The following IMPA2 variants were observed in gnomAD, a reference collection of about 807,000 sequenced individuals.
The protein encoded by IMPA2 is inositol monophosphatase 2, also known as IMP 2.
IMPA2 carries 32 observed loss-of-function variants against 35.1 expected under a neutral mutation model. The observed-to-expected ratio is 0.91, with a 90% CI of 0.69 to 1.23. The LOEUF is 1.23. Among genes scored for constraint, IMPA2 ranks in the 50% most tolerant of loss-of-function variants. The pLI, the probability that IMPA2 is intolerant of heterozygous loss-of-function variation, is 0.00. For synonymous variants in IMPA2, 135 were observed against 160.6 expected (o/e 0.84, Z 1.20); for missense variants, 334 against 387.6 (o/e 0.86, Z 1.16).
rs1047450355 is a variant in IMPA2, at chr18:11,995,411, G to A, written c.97-3643G>A. 7.9e-5 allele frequency among the ~76,000 whole-genome samples: 12 copies of A among 152,366 alleles called. No homozygotes were observed. In the East Asian group the frequency reaches 9.6e-4, roughly 12 times the overall value. On this transcript the variant is annotated intron_variant, in intron 1 of 7. Transcript: ENST00000269159. ...CTTGGTGCTGAGGCCACACGTATCCGCGTGGTGTGCAGATTGCAAGGCAGC... is the reference window on the plus strand; with the variant it reads ...CTTGGTGCTGAGGCCACACGTATCCACGTGGTGTGCAGATTGCAAGGCAGC...
rs372566076 is a variant in IMPA2, at chr18:12,012,219, C to T, written c.381+4C>T. ...TGGATTTGCTGTTCGACAAGAGGTGCGGGTGTGGCCCAGGTCCCCAGGGCC... is the reference window on the plus strand; with the variant it reads ...TGGATTTGCTGTTCGACAAGAGGTGTGGGTGTGGCCCAGGTCCCCAGGGCC... On this transcript the variant is annotated splice_donor_region_variant and intron_variant, in intron 4 of 7. Transcript: ENST00000269159. 1.3e-5 allele frequency: 21 copies of T among 1,613,600 alleles called. No individual in the cohort carries two copies. The Admixed American group carries it at 1.3e-4, about 10-fold the overall frequency.
rs1168470278 is a variant in IMPA2 at position 12,010,388 on chromosome 18, G to A, written c.335+401G>A. On this transcript the variant is annotated intron_variant, in intron 3 of 7. Transcript: ENST00000269159. The surrounding 1 kb of genome is among the most constrained non-coding windows in gnomAD (Gnocchi z 4.8). ...GTAGAGAGTGGCCTGTGACAGGTGA[G>A]ACTTGAGAGCCAGCTTCCTGTATGA... is the stretch of plus-strand genomic sequence containing the variant. Among the ~76,000 whole-genome samples, 8 of 152,280 alleles carry A rather than the reference G, an allele frequency of 5.3e-5. No homozygotes were observed. In the East Asian group the frequency reaches 1.5e-3, roughly 29 times the overall value.
At chr18:12,008,667 AGGGTGACAGTGCAT>A in intron 2 of IMPA2, 1 of 418,730 alleles carries the variant, frequency 2.4e-6, no homozygotes, top group Non-Finnish European at 4.8e-6. Flanking sequence ...TGCAGGAGGA[AGGGTGACAGTGCAT>A]GGGGCGAGAG....
chr18:11,989,453 C>G (rs947031723), intron 1 of IMPA2, among the ~76,000 whole-genome samples: 1 of 152,224 alleles, frequency 6.6e-6, no homozygotes, highest in African/African-American at 2.4e-5. Context: ...TTTCAAACAT[C>G]AGCAGAGACA....
chr18:11,992,231 T>C (rs978354822), intron 1 of IMPA2, among the ~76,000 whole-genome samples: 6 of 152,260 alleles, frequency 3.9e-5, no homozygotes, highest in Non-Finnish European at 7.3e-5. Flanking sequence ...TCACTTGTGT[T>C]GCAGTAAATC....
intron 5 of IMPA2, among the ~76,000 whole-genome samples, chr18:12,019,885 T>A (rs990610550): frequency 3.3e-5 from 5 of 152,068 alleles, no homozygotes; most frequent in South Asian, 2.1e-4. Flanking sequence ...TAAAAAAATA[T>A]ATATATTTTT....
chr18:12,029,101 A>ATTTT, intron 7 of IMPA2, 108 bp downstream of exon 7: 1 of 406,060 alleles, frequency 2.5e-6, no homozygotes, highest in Non-Finnish European at 4.0e-6. Flanking sequence ...CCTTCCCCAG[A>ATTTT]GTTTCTGTTT....
intron 2 of IMPA2, chr18:12,008,448 C>T: frequency 2.0e-6 from 1 of 499,020 alleles, no homozygotes; most frequent in South Asian, 1.4e-5. Flanking sequence ...CTGCCCAAGG[C>T]CTCACCCTTA....
intron 7 of IMPA2, 115 bp downstream of exon 7, chr18:12,029,108 G>C: frequency 7.5e-6 from 2 of 266,042 alleles, no homozygotes; most frequent in Non-Finnish European, 6.3e-6. Flanking sequence ...CAGAGTTTCT[G>C]TTTTTTTTTT....
At chr18:12,008,587 A>G (rs1299552386) in intron 2 of IMPA2, 1 of 456,650 alleles carries the variant, frequency 2.2e-6, no homozygotes, top group East Asian at 6.9e-5. Flanking sequence ...ACCAGCCTGC[A>G]GAAGGTGGGC....
At chr18:12,028,672 G>T (rs1243662418) in intron 6 of IMPA2, 170 bp from the exon 7 acceptor site, 5 of 746,724 alleles carry the variant, frequency 6.7e-6, no homozygotes, top group Admixed American at 5.0e-5. Flanking sequence ...GAGGCCTGTT[G>T]GTTGGTGGCT....
chr18:12,002,787 A>C (rs1165409912), intron 2 of IMPA2, among the ~76,000 whole-genome samples: 4 of 149,602 alleles, frequency 2.7e-5, no homozygotes, highest in African/African-American at 4.9e-5. Flanking sequence ...AAAAATGTAG[A>C]TTAAAAGGAA....
intron 4 of IMPA2, among the ~76,000 whole-genome samples, chr18:12,013,520 G>T (rs532875799): frequency 5.3e-5 from 8 of 152,338 alleles, no homozygotes; most frequent in Non-Finnish European, 8.8e-5. Flanking sequence ...TTTGGCCAGG[G>T]TGTTTTTTTA....
At chr18:11,988,816 C>T (rs1221343909) in intron 1 of IMPA2, among the ~76,000 whole-genome samples, 1 of 152,012 alleles carries the variant, frequency 6.6e-6, no homozygotes, top group Non-Finnish European at 1.5e-5. Flanking sequence ...AGGTTAAGCT[C>T]GAATTGCCAG....
chr18:12,024,391 A>T lies in IMPA2; in HGVS notation c.491-3652A>T, dbSNP rs938200243. Among the ~76,000 whole-genome samples, 621 of 123,700 alleles carry T rather than the reference A, an allele frequency of 5.0e-3. 2 individuals are homozygous for T. Among genetic ancestry groups the T allele is most frequent in the Non-Finnish European group, 8.2e-3 (461 of 56,068 alleles). The allele number at this position is 123,700 out of a possible 152,430, so 81.2% of individuals were successfully genotyped here. ...CCCCGCTACTTGGGAGGCTGAGACA[A>T]GAGAACTGCGTGAACCTGGGAGGCA... On this transcript the variant is annotated intron_variant, in intron 5 of 7. Coordinates refer to ENST00000269159, the MANE Select transcript of IMPA2 (RefSeq NM_014214.3).
chr18:12,012,747 A>T (rs954915403), intron 4 of IMPA2, among the ~76,000 whole-genome samples: 4 of 152,200 alleles, frequency 2.6e-5, no homozygotes, highest in African/African-American at 9.7e-5. Context: ...AAATAATTCA[A>T]GCAGCAGCAC....
In IMPA2 at chr18:12,030,511, C is replaced by T. The variant is rs1299526055; in HGVS notation, c.*53C>T. The T allele has an allele frequency of 2.7e-6, 4 of 1,477,198 alleles. No homozygotes were observed. Among genetic ancestry groups the T allele is most frequent in the Middle Eastern group, 1.7e-4 (1 of 5,808 alleles). The allele number at this position is 1,477,198 out of a possible 1,614,324, so 91.5% of individuals were successfully genotyped here. On this transcript the variant is annotated 3_prime_UTR_variant, in exon 8 of 8. Transcript: ENST00000269159. ...GGCCTCCCTGGGCTGCTGTGGGCTCCTGGGGAGGTGGCCCTCGTGGCCCAC... is the reference window on the plus strand; with the variant it reads ...GGCCTCCCTGGGCTGCTGTGGGCTCTTGGGGAGGTGGCCCTCGTGGCCCAC...
intron 2 of IMPA2, among the ~76,000 whole-genome samples, chr18:12,009,411 C>G (rs1024881792): frequency 6.6e-6 from 1 of 152,124 alleles, no homozygotes; most frequent in Non-Finnish European, 1.5e-5. Flanking sequence ...TGGGTACAGA[C>G]GTGGGAGATC....
intron 1 of IMPA2, among the ~76,000 whole-genome samples, chr18:11,990,744 TAATC>T (rs1906789395): frequency 6.6e-6 from 1 of 152,134 alleles, no homozygotes; most frequent in Non-Finnish European, 1.5e-5. Context: ...GATTAGGAAG[TAATC>T]AATTGTGACG....
Sources: gnomAD v4.1 joint callset for allele counts (sites outside exome capture counted in the v4.1 genomes callset) on GRCh38, gnomAD v4.1.1 for gene constraint, Gnocchi (gnomAD v3.1) non-coding constraint, MANE v1.5 for transcripts, NCBI Gene and HGNC (gene_info 2026-07-23, HGNC 2026-07-21) for gene names.